The following DPH6 variants were observed in gnomAD, a reference collection of about 807,000 sequenced individuals.
DPH6 encodes diphthine--ammonia ligase.
Under a neutral mutation model 38.2 loss-of-function variants are expected in DPH6, and 33 were observed. The observed-to-expected ratio is 0.86, with a 90% CI of 0.65 to 1.15. DPH6 has a LOEUF of 1.15. DPH6 is among the 50% of genes most tolerant of loss of function. DPH6 has a pLI of 0.00. For missense variants in DPH6, 325 were observed against 320.0 expected (o/e 1.02, Z -0.12); for synonymous variants, 108 against 103.0 (o/e 1.05, Z -0.30).
At chr15:35,240,160 C>T (rs1447138182) in intron 3 of DPH6, among the ~76,000 whole-genome samples, 3 of 142,550 alleles carry the variant, frequency 2.1e-5, no homozygotes, top group South Asian at 2.4e-4. Context: ...TCTGCAATGC[C>T]GCTTGACCCC....
rs532441952 is a variant in DPH6 at position 35,373,757 on chromosome 15, A to T, written c.663-149T>A. 176 of 506,566 alleles carry T rather than the reference A, an allele frequency of 3.5e-4. No homozygotes were observed. The South Asian group carries it at 8.0e-3, about 23-fold the overall frequency. 31.4% of individuals were successfully genotyped at this position (506,566 alleles called of 1,614,324 possible). A position where few individuals can be genotyped will look rare whatever the true frequency, so the allele number is the denominator to read the frequency against. ...GTAGTGATTAATAAATATTTTTAAT[A>T]ACCCAGTATTTAATTGGGAAAAGGT... is the stretch of plus-strand genomic sequence containing the variant. On this transcript the variant is annotated intron_variant, in intron 7 of 8. Coordinates refer to ENST00000256538, the MANE Select transcript of DPH6 (RefSeq NM_080650.4).
intron 3 of DPH6, among the ~76,000 whole-genome samples, chr15:35,512,413 T>A (rs2054787437): frequency 6.6e-6 from 1 of 152,160 alleles, no homozygotes; most frequent in South Asian, 2.1e-4. Flanking sequence ...CATCTATGAA[T>A]GTCTATACCT....
At chr15:35,184,100 A>G in the DPH6 span, among the ~76,000 whole-genome samples, 2 of 152,230 alleles carry the variant, frequency 1.3e-5, no homozygotes, top group Admixed American at 6.5e-5. Flanking sequence ...CCAACAAATC[A>G]GACTGCAACA....
intron 3 of DPH6, among the ~76,000 whole-genome samples, chr15:35,484,676 A>G (rs1363074915): frequency 1.3e-5 from 2 of 152,140 alleles, no homozygotes; most frequent in African/African-American, 4.8e-5. Context: ...CTTTTTTGTA[A>G]CCTAATCTCA....
Position 35,518,322 on chromosome 15 carries a change from A to G in DPH6, c.312+19952T>C, listed in dbSNP as rs375277981. ...AACCAAAAAAGCTCCATTTTCATCT[A>G]TTTTACACACCAGTCTTCTTCGTAG... On this transcript the variant is annotated intron_variant, in intron 3 of 8. Coordinates refer to ENST00000256538, the MANE Select transcript of DPH6 (RefSeq NM_080650.4). Among the ~76,000 whole-genome samples the G allele has an allele frequency of 3.0e-3, 455 of 152,110 alleles. 1 individual carries two copies. The highest frequency in any genetic ancestry group is 0.012 in the South Asian group (56 of 4,822).
chr15:35,505,355 T>C (rs906982603), intron 3 of DPH6, among the ~76,000 whole-genome samples: 2 of 151,754 alleles, frequency 1.3e-5, no homozygotes, highest in East Asian at 3.9e-4. Context: ...AAAAAAAAAA[T>C]ACACACTTTA....
downstream of DPH6, among the ~76,000 whole-genome samples, chr15:35,327,415 G>A (rs1284686358): frequency 7.0e-6 from 1 of 142,072 alleles, no homozygotes; most frequent in Non-Finnish European, 1.5e-5. Flanking sequence ...ACGCAATCTT[G>A]GCTCACTGCA....
intron 3 of DPH6, among the ~76,000 whole-genome samples, chr15:35,484,000 C>T (rs1182505436): frequency 6.6e-6 from 1 of 152,108 alleles, no homozygotes; most frequent in Non-Finnish European, 1.5e-5. Flanking sequence ...TTATAGAAAG[C>T]AGATTAGTGG....
At chr15:35,463,253 T>C (rs2054087426) in intron 3 of DPH6, among the ~76,000 whole-genome samples, 1 of 152,166 alleles carries the variant, frequency 6.6e-6, no homozygotes, top group South Asian at 2.1e-4. Flanking sequence ...CAGTGCATCC[T>C]TTCTGAAAAA....
At position 35,253,443 on chromosome 15, in the gene DPH6, T is replaced by G. The variant is rs1265587997; in HGVS notation, n.201-32861A>C. The stretch of plus-strand genomic sequence containing the variant: ...TCACAACCTTATTCCAAAGCACCAT[T>G]CGGGAATAATACATTTAATGTCTCA... On this transcript the variant is annotated intron_variant and non_coding_transcript_variant, in intron 3 of 3. Transcript: ENST00000560386. Among the ~76,000 whole-genome samples, 6 of 152,268 alleles carry G rather than the reference T, an allele frequency of 3.9e-5. No homozygotes were observed. In the East Asian group the frequency reaches 1.2e-3, roughly 29 times the overall value.
intron 5 of DPH6, among the ~76,000 whole-genome samples, chr15:35,448,079 T>C (rs1465253895): frequency 6.6e-6 from 1 of 152,158 alleles, no homozygotes; most frequent in Admixed American, 6.5e-5. Flanking sequence ...TCTCACGTTT[T>C]TCCTTTATCA....
chr15:35,451,670 C>A (rs902406591), intron 4 of DPH6, among the ~76,000 whole-genome samples: 11 of 152,144 alleles, frequency 7.2e-5, no homozygotes, highest in African/African-American at 2.2e-4. Flanking sequence ...TCCACCCTCA[C>A]CCTTTTAAAA....
At chr15:35,245,889 T>TA (rs2051634768) in intron 3 of DPH6, among the ~76,000 whole-genome samples, 1 of 152,164 alleles carries the variant, frequency 6.6e-6, no homozygotes. Flanking sequence ...GTCTGACAGG[T>TA]AAGTGTCAGG....
chr15:35,181,806 A>G, the DPH6 span: 1 of 152,226 alleles, frequency 6.6e-6, no homozygotes, highest in Non-Finnish European at 1.5e-5. Flanking sequence ...GTCACACTAT[A>G]GGAGTCAGCA....
chr15:35,430,979 C>A (rs192226082), intron 5 of DPH6, among the ~76,000 whole-genome samples: 38 of 152,138 alleles, frequency 2.5e-4, no homozygotes, highest in Non-Finnish European at 4.1e-4. Flanking sequence ...AAAAACAAAA[C>A]CTCCTACTTC....
At chr15:35,411,760 G>C (rs2053369939) in intron 5 of DPH6, among the ~76,000 whole-genome samples, 2 of 151,708 alleles carry the variant, frequency 1.3e-5, no homozygotes, top group South Asian at 2.1e-4. Context: ...CAATACTATA[G>C]AGCAAAGACA....
At chr15:35,231,600 A>G (rs1404700042) in intron 3 of DPH6, among the ~76,000 whole-genome samples, 2 of 152,240 alleles carry the variant, frequency 1.3e-5, no homozygotes, top group Admixed American at 1.3e-4. Context: ...TGCTCCACCC[A>G]TCTCTGTAAT....
the DPH6 span, among the ~76,000 whole-genome samples, chr15:35,190,209 G>C: frequency 6.6e-6 from 1 of 152,326 alleles, no homozygotes; most frequent in East Asian, 1.9e-4. Flanking sequence ...TTATGTAACT[G>C]TCCAGTGGGT....
At chr15:35,453,420 T>C (rs1282799281) in intron 4 of DPH6, among the ~76,000 whole-genome samples, 2 of 152,186 alleles carry the variant, frequency 1.3e-5, no homozygotes, top group African/African-American at 4.8e-5. Flanking sequence ...GGTTTGAACT[T>C]CTTAAAAAAC....
Sources: gnomAD v4.1 joint callset for allele counts (sites outside exome capture counted in the v4.1 genomes callset) on GRCh38, gnomAD v4.1.1 for gene constraint, MANE v1.5 for transcripts, NCBI Gene and HGNC (gene_info 2026-07-23, HGNC 2026-07-21) for gene names.